RHOU: variants seen among roughly 807,000 people sequenced by gnomAD.
RHOU encodes the protein ras homolog family member U, also known as rho-related GTP-binding protein RhoU.
In RHOU, 8 loss-of-function variants were observed where a neutral mutation model predicts 12.6. The ratio of observed to expected loss-of-function variants is 0.64; its 90% CI spans 0.37 to 1.15. The LOEUF is 1.15. Ranked by LOEUF, RHOU falls within the 50% of genes most tolerant of loss-of-function variation. The pLI is 0.01. For missense variants in RHOU, 258 were observed against 347.0 expected (o/e 0.74, Z 2.04); for synonymous variants, 161 against 147.4 (o/e 1.09, Z -0.67).
chr1:228,743,319 C>T lies in RHOU; in HGVS notation c.356C>T (p.Thr119Ile). Reference sequence around the variant, plus strand: ...GACAAGCTGAGGCCTCTCTGCTACACCAACACAGACATCTTCCTGCTCTGC... The same window carrying T: ...GACAAGCTGAGGCCTCTCTGCTACATCAACACAGACATCTTCCTGCTCTGC... ...EFDKLRPLCYTNTDIFLLCFS... is the reference protein window; with the variant it reads ...EFDKLRPLCYINTDIFLLCFS... The change falls in exon 3 of 3, where the codon ACC (threonine) becomes ATC (isoleucine). Residue 119 changes from threonine (T) to isoleucine (I), a missense_variant. Transcript: ENST00000366691. This position sits in a 1 kb window ranked among gnomAD's most constrained non-coding sequence, Gnocchi z 5.1. 2.5e-6 allele frequency: 4 copies of T among 1,614,192 alleles called. No individual in the cohort carries two copies. The highest frequency in any genetic ancestry group is 3.4e-6 in the Non-Finnish European group (4 of 1,180,022).
chr1:228,743,330 A>G lies in RHOU; in HGVS notation c.367A>G (p.Ile123Val), dbSNP rs1411988232. The change falls in exon 3 of 3, where the codon ATC (isoleucine) becomes GTC (valine). Residue 123 changes from isoleucine (I) to valine (V), a missense_variant. Ile to Val is a conservative substitution (Grantham distance 29). Coordinates refer to ENST00000366691, the MANE Select transcript of RHOU (RefSeq NM_021205.6). This position sits in a 1 kb window ranked among gnomAD's most constrained non-coding sequence, Gnocchi z 5.1. ...LRPLCYTNTD[I>V]FLLCFSVVSP... ...GCCTCTCTGCTACACCAACACAGAC[A>G]TCTTCCTGCTCTGCTTCAGTGTCGT... The G allele has an allele frequency of 6.2e-7, 1 of 1,614,214 alleles. No individual in the cohort carries two copies. Among genetic ancestry groups the G allele is most frequent in the Non-Finnish European group, 8.5e-7 (1 of 1,180,036 alleles).
At chr1:228,646,859 A>G in the RHOU span, among the ~76,000 whole-genome samples, 45 of 151,790 alleles carry the variant, frequency 3.0e-4, no homozygotes, top group South Asian at 5.8e-3. Context: ...GAGCAAGGAG[A>G]AGATGGATGG....
chr1:228,687,181 C>T, the RHOU span, among the ~76,000 whole-genome samples: 25,105 of 152,140 alleles, frequency 0.17, 3,079 homozygotes, highest in African/African-American at 0.35. Context: ...CTGGCCCGCT[C>T]CACTGACCGG....
chr1:228,707,247 ATATATATAGTGTGTGTGTGTGT>A, the RHOU span, among the ~76,000 whole-genome samples: 4 of 93,824 alleles, frequency 4.3e-5, no homozygotes, highest in African/African-American at 6.5e-5. Context: ...ATATATATAT[ATATATATAGTGTGTGTGTGTGT>A]GTGTGTGTGT....
rs1247439080 is a variant in RHOU, at chr1:228,743,395, G to A, written c.432G>A (p.Val144=). ...SSFQNVSEKW[V]PEIRCHCPKA... is the part of the protein sequence containing the mutation. ...TCCAGAACGTCAGTGAGAAATGGGT[G>A]CCGGAGATTCGATGCCACTGTCCCA... Residue 144 remains valine (V), a synonymous_variant, in exon 3 of 3, where the codon GTG becomes GTA. Transcript: ENST00000366691. This position sits in a 1 kb window ranked among gnomAD's most constrained non-coding sequence, Gnocchi z 5.1. The A allele has an allele frequency of 6.2e-7, 1 of 1,614,188 alleles. No homozygotes were observed. Among genetic ancestry groups the A allele is most frequent in the Non-Finnish European group, 8.5e-7 (1 of 1,180,044 alleles).
At chr1:228,742,513 G>T (rs1662745024) in intron 2 of RHOU, among the ~76,000 whole-genome samples, 2 of 152,194 alleles carry the variant, frequency 1.3e-5, no homozygotes, top group Non-Finnish European at 2.9e-5. Context: ...GTACATGGAG[G>T]CCATGGGTAC....
chr1:228,646,852 C>G, the RHOU span, among the ~76,000 whole-genome samples: 2,673 of 151,648 alleles, frequency 0.018, 63 homozygotes, highest in African/African-American at 0.061. Flanking sequence ...TGAAGGAGAG[C>G]AAGGAGAAGA....
the RHOU span, among the ~76,000 whole-genome samples, chr1:228,715,704 T>G: frequency 6.6e-6 from 1 of 152,140 alleles, no homozygotes; most frequent in Non-Finnish European, 1.5e-5. Context: ...TTCATTTTAG[T>G]TCTATATCTT....
At chr1:228,729,979 A>T in the RHOU span, among the ~76,000 whole-genome samples, 1 of 152,212 alleles carries the variant, frequency 6.6e-6, no homozygotes, top group Non-Finnish European at 1.5e-5. Flanking sequence ...TCCTGAAAGG[A>T]GCCACTGGTG....
chr1:228,653,637 G>A, the RHOU span, among the ~76,000 whole-genome samples: 3 of 152,174 alleles, frequency 2.0e-5, no homozygotes, highest in Admixed American at 6.5e-5. Context: ...TGTATTTTTA[G>A]TAGAGATGGG....
At chr1:228,698,391 C>G in the RHOU span, among the ~76,000 whole-genome samples, 3 of 152,328 alleles carry the variant, frequency 2.0e-5, no homozygotes, top group African/African-American at 7.2e-5. Flanking sequence ...AGAACTATGT[C>G]TCTATAATAC....
At chr1:228,704,928 G>A in the RHOU span, among the ~76,000 whole-genome samples, 1 of 152,234 alleles carries the variant, frequency 6.6e-6, no homozygotes, top group African/African-American at 2.4e-5. Context: ...AGCCTCCCAA[G>A]TAGCTGAGAC....
the RHOU span, among the ~76,000 whole-genome samples, chr1:228,664,864 C>A: frequency 1.3e-5 from 2 of 152,020 alleles, no homozygotes; most frequent in Non-Finnish European, 2.9e-5. Flanking sequence ...GAAATCCTGA[C>A]CTCAGGTGAT....
the RHOU span, among the ~76,000 whole-genome samples, chr1:228,667,369 T>C: frequency 6.6e-6 from 1 of 152,164 alleles, no homozygotes; most frequent in African/African-American, 2.4e-5. Flanking sequence ...CAGGAAGAGC[T>C]CAAGGAACTA....
the RHOU span, among the ~76,000 whole-genome samples, chr1:228,719,306 CTG>C: frequency 6.6e-6 from 1 of 152,150 alleles, no homozygotes; most frequent in Admixed American, 6.5e-5. Flanking sequence ...ACAATAAAAA[CTG>C]TTGGATTTTC....
the RHOU span, among the ~76,000 whole-genome samples, chr1:228,704,163 T>C: frequency 1.1e-4 from 17 of 152,182 alleles, no homozygotes; most frequent in African/African-American, 4.1e-4. Context: ...TTTTATGACC[T>C]GGAAGCCCCC....
chr1:228,659,838 G>T, the RHOU span, among the ~76,000 whole-genome samples: 1 of 151,536 alleles, frequency 6.6e-6, no homozygotes, highest in Non-Finnish European at 1.5e-5. Context: ...AAAAAACGTA[G>T]CCGGGTGTGG....
chr1:228,649,103 G>C, the RHOU span, among the ~76,000 whole-genome samples: 1 of 152,182 alleles, frequency 6.6e-6, no homozygotes, highest in African/African-American at 2.4e-5. Context: ...GACCTCGGGT[G>C]ATCTGCCTGC....
chr1:228,742,286 A>G (rs1012311677), intron 2 of RHOU, among the ~76,000 whole-genome samples: 2 of 152,230 alleles, frequency 1.3e-5, no homozygotes, highest in Non-Finnish European at 2.9e-5. Context: ...TTGGAGAACA[A>G]CATCTGTCTG....
Sources: allele counts gnomAD v4.1 joint callset (sites outside exome capture counted in the v4.1 genomes callset), GRCh38; gene constraint gnomAD v4.1.1; non-coding constraint Gnocchi (gnomAD v3.1); transcripts MANE v1.5; gene names NCBI Gene and HGNC (gene_info 2026-07-23, HGNC 2026-07-21).